The following HECW1 variants were observed in gnomAD, a reference collection of about 807,000 sequenced individuals.
HECW1 encodes HECT, C2 and WW domain containing E3 ubiquitin protein ligase 1, also known as E3 ubiquitin-protein ligase HECW1.
A neutral mutation model predicts 182.3 loss-of-function variants in HECW1; 61 were observed. The ratio of observed to expected loss-of-function variants is 0.33; its 90% confidence interval spans 0.27 to 0.41. The LOEUF is 0.41. Among genes scored for constraint, HECW1 ranks in the 10% least tolerant of loss-of-function variants. The probability of loss-of-function intolerance (pLI) is 1.00; values close to 1 mark genes in which losing one functional copy is unlikely to be tolerated. For missense variants in HECW1, 1,739 were observed against 2,108.9 expected, an observed-to-expected ratio of 0.82 and a Z score of 3.44; for synonymous variants, 859 against 832.6, an observed-to-expected ratio of 1.03 and a Z score of -0.55.
chr7:43,392,745 G>A (rs991955590), intron 6 of HECW1, among the ~76,000 whole-genome samples: 1 of 152,176 alleles, frequency 6.6e-6, no homozygotes, highest in African/African-American at 2.4e-5. Context: ...CTTTCATGCA[G>A]TGATACTGTG....
At chr7:43,460,491 G>A (rs948425406) in intron 13 of HECW1, among the ~76,000 whole-genome samples, 4 of 152,032 alleles carry the variant, frequency 2.6e-5, no homozygotes, top group African/African-American at 7.3e-5. Flanking sequence ...CTTGGTTTTG[G>A]AGGGCTTTTT....
At chr7:43,278,076 G>A (rs1222285468) in intron 3 of HECW1, among the ~76,000 whole-genome samples, 1 of 151,940 alleles carries the variant, frequency 6.6e-6, no homozygotes, top group Non-Finnish European at 1.5e-5. Flanking sequence ...ACATATATTG[G>A]CAGGTGACCC....
At chr7:43,431,717 A>G (rs1562967679) in intron 8 of HECW1, among the ~76,000 whole-genome samples, 1 of 152,030 alleles carries the variant, frequency 6.6e-6, no homozygotes, top group Non-Finnish European at 1.5e-5. Context: ...CTGCATATCT[A>G]TTCAGTTTCA....
chr7:43,219,432 C>T (rs897527539), intron 2 of HECW1, among the ~76,000 whole-genome samples: 1 of 152,032 alleles, frequency 6.6e-6, no homozygotes, highest in African/African-American at 2.4e-5. Context: ...AGACAAAACC[C>T]CTCCGATACC....
rs1784742064 is a variant in HECW1 at position 43,113,011 on chromosome 7, G to A, written c.-267+74G>A. The A allele has an allele frequency of 7.6e-5, 14 of 184,214 alleles. No homozygotes were observed. In the East Asian group the frequency reaches 1.2e-3, roughly 16 times the overall value. 11.4% of individuals were successfully genotyped at this position (184,214 alleles called of 1,614,324 possible). ...CCCTTCTCTGGGCGGCTTCCCCGCCGCACGCGAGGCCCCGGCAGCGCCCTC... is the reference window on the plus strand; with the variant it reads ...CCCTTCTCTGGGCGGCTTCCCCGCCACACGCGAGGCCCCGGCAGCGCCCTC... On this transcript the variant is annotated intron_variant, in intron 1 of 29. Transcript: ENST00000395891.
chr7:43,352,203 G>T (rs1046508940), intron 5 of HECW1, among the ~76,000 whole-genome samples: 2 of 152,136 alleles, frequency 1.3e-5, no homozygotes, highest in African/African-American at 2.4e-5. Flanking sequence ...ATGCCTTCAG[G>T]CTAGGGTTTC....
intron 24 of HECW1, among the ~76,000 whole-genome samples, chr7:43,540,656 A>G (rs1033072313): frequency 1.3e-5 from 2 of 152,144 alleles, no homozygotes; most frequent in Non-Finnish European, 2.9e-5. Context: ...TTGTGATTCT[A>G]TGTAACTCTT....
chr7:43,313,387 G>C (rs1584440990), intron 4 of HECW1, among the ~76,000 whole-genome samples: 1 of 150,078 alleles, frequency 6.7e-6, no homozygotes, highest in Non-Finnish European at 1.5e-5. Context: ...GCACAGGCTG[G>C]AGTTCAGTGG....
chr7:43,115,077 T>G (rs542836142), intron 2 of HECW1, among the ~76,000 whole-genome samples: 12 of 152,240 alleles, frequency 7.9e-5, no homozygotes, highest in African/African-American at 1.2e-4. Flanking sequence ...TTGGACTGGC[T>G]GGTTTCTATC....
At chr7:43,453,719 A>G (rs1196973285) in intron 12 of HECW1, among the ~76,000 whole-genome samples, 2 of 152,214 alleles carry the variant, frequency 1.3e-5, no homozygotes, top group Non-Finnish European at 2.9e-5. Context: ...TGTGCAATAG[A>G]TCCTTTGGTC....
At chr7:43,211,344 C>A (rs1795989664) in intron 2 of HECW1, among the ~76,000 whole-genome samples, 1 of 152,170 alleles carries the variant, frequency 6.6e-6, no homozygotes, top group Non-Finnish European at 1.5e-5. Flanking sequence ...TGTTTAAGTT[C>A]CATCTGACAC....
chr7:43,533,689 A>G (rs935200542), intron 24 of HECW1, among the ~76,000 whole-genome samples: 1 of 152,152 alleles, frequency 6.6e-6, no homozygotes, highest in African/African-American at 2.4e-5. Context: ...GTGTCCTGCC[A>G]CATGTTCCTG....
chr7:43,243,925 G>A lies in HECW1; in HGVS notation c.20G>A (p.Ser7Asn). ...GTCATTATGCTGCTGCACCTGTGTA[G>A]TGTGAAGGTCAGTGTGCTTTTCTGA... is the stretch of plus-strand genomic sequence containing the variant. MLLHLC[S>N]VKNLYQNRFL... is the part of the protein sequence containing the mutation. Residue 7 changes from serine to asparagine, a missense_variant, in exon 3 of 30, where the codon AGT (serine) becomes AAT (asparagine). By Grantham distance (46) the Ser-to-Asn change is conservative (BLOSUM62 1). Coordinates refer to ENST00000395891, the MANE Select transcript of HECW1 (RefSeq NM_015052.5). This position sits in a 1 kb window ranked among gnomAD's most constrained non-coding sequence, Gnocchi z 4.0. The A allele has an allele frequency of 6.2e-7, 1 of 1,611,044 alleles. No individual in the cohort carries two copies. The highest frequency in any genetic ancestry group is 8.5e-7 in the Non-Finnish European group (1 of 1,177,256).
chr7:43,442,853 GA>G (rs1190931836), intron 10 of HECW1, among the ~76,000 whole-genome samples: 2 of 152,226 alleles, frequency 1.3e-5, no homozygotes, highest in Non-Finnish European at 2.9e-5. Context: ...GTACAGAGTA[GA>G]CAGTGGACTG....
At chr7:43,398,569 T>C (rs924159613) in intron 7 of HECW1, among the ~76,000 whole-genome samples, 1 of 151,884 alleles carries the variant, frequency 6.6e-6, no homozygotes, top group African/African-American at 2.4e-5. Flanking sequence ...AAAGCAAATA[T>C]GTTTTGATCC....
At chr7:43,277,393 T>C (rs1351028629) in intron 3 of HECW1, among the ~76,000 whole-genome samples, 1 of 152,166 alleles carries the variant, frequency 6.6e-6, no homozygotes, top group African/African-American at 2.4e-5. Flanking sequence ...TTGGTTTTGT[T>C]TTAGGTGTTT....
At chr7:43,400,883 C>A (rs944651617) in intron 7 of HECW1, among the ~76,000 whole-genome samples, 1 of 152,192 alleles carries the variant, frequency 6.6e-6, no homozygotes, top group East Asian at 1.9e-4. Flanking sequence ...GCAAATCCAT[C>A]CCTTGCCACT....
At chr7:43,297,708 T>C (rs1806216132) in intron 3 of HECW1, among the ~76,000 whole-genome samples, 1 of 152,186 alleles carries the variant, frequency 6.6e-6, no homozygotes, top group African/African-American at 2.4e-5. Context: ...TCCAGTGTGT[T>C]TATAAGATGG....
At chr7:43,428,954 A>G (rs1379673353) in intron 8 of HECW1, among the ~76,000 whole-genome samples, 1 of 151,928 alleles carries the variant, frequency 6.6e-6, no homozygotes, top group Non-Finnish European at 1.5e-5. Context: ...TATGTGTAAT[A>G]TATGTATGTG....
Sources: allele counts gnomAD v4.1 joint callset (sites outside exome capture counted in the v4.1 genomes callset), GRCh38; gene constraint gnomAD v4.1.1; non-coding constraint Gnocchi (gnomAD v3.1); transcripts MANE v1.5; gene names NCBI Gene and HGNC (gene_info 2026-07-23, HGNC 2026-07-21).